The following AFG2A variants were observed in gnomAD, a reference collection of about 807,000 sequenced individuals.
The protein encoded by AFG2A is AAA ATPase AFG2A, also known as ATPase family gene 2 protein homolog A.
the AFG2A span, among the ~76,000 whole-genome samples, chr4:123,173,340 G>GTTTTTT: frequency 1.6e-3 from 109 of 70,298 alleles, 6 homozygotes; most frequent in African/African-American, 3.9e-3. Flanking sequence ...AAGTCCAATG[G>GTTTTTT]TTTTTTTTTT....
At chr4:122,964,898 C>T in the AFG2A span, among the ~76,000 whole-genome samples, 10 of 152,080 alleles carry the variant, frequency 6.6e-5, no homozygotes, top group Admixed American at 1.3e-4. Flanking sequence ...AGTGGTACAG[C>T]AAGTGATACT....
chr4:123,156,234 T>C, the AFG2A span, among the ~76,000 whole-genome samples: 6 of 152,266 alleles, frequency 3.9e-5, no homozygotes, highest in Middle Eastern at 3.4e-3. Context: ...TTGTCATTTC[T>C]GTTTTGAACA....
the AFG2A span, chr4:122,927,767 C>G: frequency 4.3e-6 from 7 of 1,610,598 alleles, no homozygotes; most frequent in East Asian, 1.1e-4. Flanking sequence ...AGGTAAGAGT[C>G]TTTTTCATTT....
the AFG2A span, among the ~76,000 whole-genome samples, chr4:123,097,850 G>A: frequency 1.3e-5 from 2 of 152,126 alleles, no homozygotes; most frequent in South Asian, 2.1e-4. Flanking sequence ...TAGGCCAAAC[G>A]TGACCCACCA....
At chr4:122,929,183 G>A in the AFG2A span, 2 of 1,596,150 alleles carry the variant, frequency 1.3e-6, no homozygotes, top group Admixed American at 1.8e-5. Context: ...CTGAGGAAAT[G>A]GATGTGGCAC....
the AFG2A span, among the ~76,000 whole-genome samples, chr4:122,951,454 A>ACACACACACG: frequency 2.6e-5 from 4 of 151,436 alleles, no homozygotes; most frequent in South Asian, 8.4e-4. Flanking sequence ...ACACACACAC[A>ACACACACACG]CACACGCACG....
At chr4:122,990,837 C>T in the AFG2A span, among the ~76,000 whole-genome samples, 2 of 152,200 alleles carry the variant, frequency 1.3e-5, no homozygotes, top group Non-Finnish European at 2.9e-5. Context: ...GATCCTCCTG[C>T]CTCAGCCTCC....
chr4:122,927,615 ATTTTC>A, the AFG2A span: 2 of 1,590,726 alleles, frequency 1.3e-6, no homozygotes, highest in Non-Finnish European at 1.7e-6. Context: ...TACAAAAATA[ATTTTC>A]TTTTCCTTCA....
the AFG2A span, among the ~76,000 whole-genome samples, chr4:122,940,585 C>T: frequency 2.0e-5 from 3 of 152,270 alleles, no homozygotes; most frequent in Non-Finnish European, 2.9e-5. Flanking sequence ...TGTAGCTTCC[C>T]TGTTCACTCT....
chr4:123,004,928 C>T, the AFG2A span, among the ~76,000 whole-genome samples: 1 of 151,710 alleles, frequency 6.6e-6, no homozygotes, highest in Non-Finnish European at 1.5e-5. Context: ...TTTTTTTTCT[C>T]AAGTGAATTT....
chr4:123,038,973 A>G, the AFG2A span, among the ~76,000 whole-genome samples: 1 of 152,074 alleles, frequency 6.6e-6, no homozygotes, highest in South Asian at 2.1e-4. Context: ...GTTTACCTGT[A>G]TGTTGGATAT....
At chr4:122,991,743 A>G in the AFG2A span, among the ~76,000 whole-genome samples, 1 of 152,160 alleles carries the variant, frequency 6.6e-6, no homozygotes, top group African/African-American at 2.4e-5. Context: ...GACATTTTCA[A>G]ATTTACTATT....
the AFG2A span, among the ~76,000 whole-genome samples, chr4:122,993,450 T>C: frequency 6.6e-6 from 1 of 152,182 alleles, no homozygotes; most frequent in South Asian, 2.1e-4. Flanking sequence ...TAAACTGTAA[T>C]TGGTTGATCC....
chr4:123,048,376 C>CT, the AFG2A span, among the ~76,000 whole-genome samples: 1 of 151,954 alleles, frequency 6.6e-6, no homozygotes, highest in Non-Finnish European at 1.5e-5. Context: ...TTTAGGATTG[C>CT]TTTTTCTATT....
chr4:123,099,663 A>G, the AFG2A span, among the ~76,000 whole-genome samples: 3 of 151,856 alleles, frequency 2.0e-5, no homozygotes, highest in African/African-American at 7.2e-5. Flanking sequence ...ACTTATTTCA[A>G]GCATACACCA....
chr4:123,062,837 A>G, the AFG2A span, among the ~76,000 whole-genome samples: 23 of 152,340 alleles, frequency 1.5e-4, no homozygotes, highest in Non-Finnish European at 2.6e-4. Context: ...GTAGAAATAA[A>G]TTCTATGCAA....
the AFG2A span, among the ~76,000 whole-genome samples, chr4:123,031,019 T>G: frequency 6.6e-6 from 1 of 152,224 alleles, no homozygotes; most frequent in Admixed American, 6.5e-5. Flanking sequence ...ATGAAAATAA[T>G]TTGTCTTCTA....
chr4:123,016,442 C>G, the AFG2A span, among the ~76,000 whole-genome samples: 7 of 150,496 alleles, frequency 4.7e-5, no homozygotes, highest in Non-Finnish European at 8.9e-5. Context: ...ACCTCCCAGA[C>G]GGGGTCGCGG....
chr4:123,008,560 G>A, the AFG2A span, among the ~76,000 whole-genome samples: 1 of 152,260 alleles, frequency 6.6e-6, no homozygotes, highest in Middle Eastern at 3.4e-3. Flanking sequence ...CCATGCCACA[G>A]CATAGGACAT....
Sources: gnomAD v4.1 joint callset for allele counts (sites outside exome capture counted in the v4.1 genomes callset) on GRCh38, gnomAD v4.1.1 for gene constraint, MANE v1.5 for transcripts, NCBI Gene and HGNC (gene_info 2026-07-23, HGNC 2026-07-21) for gene names.